Variants in ANKRD26 observed in about 807,000 individuals in gnomAD.
ANKRD26 encodes ankyrin repeat domain-containing protein 26.
In ANKRD26, 141 loss-of-function variants were observed where a neutral mutation model predicts 208.7. The observed-to-expected ratio is 0.68, with a 90% confidence interval of 0.59 to 0.78. The LOEUF (loss-of-function observed/expected upper bound fraction) is 0.78. ANKRD26 is among the 30% of genes least tolerant of loss of function. The pLI is 0.00. For synonymous variants in ANKRD26, 636 were observed against 660.4 expected, an observed-to-expected ratio of 0.96 and a Z score of 0.57; for missense variants, 1,889 against 1,938.7, an observed-to-expected ratio of 0.97 and a Z score of 0.48.
downstream of ANKRD26, among the ~76,000 whole-genome samples, chr10:26,971,971 C>G (rs997590955): frequency 2.0e-5 from 3 of 152,144 alleles, no homozygotes; most frequent in African/African-American, 2.4e-5. Context: ...CGCAGTGGCT[C>G]ACGCCTGTAA....
At chr10:27,047,847 G>A (rs2054512656) in intron 17 of ANKRD26, among the ~76,000 whole-genome samples, 1 of 151,678 alleles carries the variant, frequency 6.6e-6, no homozygotes, top group South Asian at 2.1e-4. Flanking sequence ...GGGTTCAAGT[G>A]ATTCTCCTGC....
At chr10:27,029,240 G>T in intron 26 of ANKRD26, 46 bp downstream of exon 26, 2 of 1,550,644 alleles carry the variant, frequency 1.3e-6, no homozygotes, top group Non-Finnish European at 8.8e-7. Context: ...CTGCTTATTT[G>T]CTCTATAAAT....
chr10:27,065,441 C>T (rs928417193), intron 11 of ANKRD26, among the ~76,000 whole-genome samples: 3 of 152,152 alleles, frequency 2.0e-5, no homozygotes, highest in Admixed American at 2.0e-4. Flanking sequence ...TCTCCAGTAA[C>T]TGTCTACTGA....
At chr10:27,080,957 C>T in intron 6 of ANKRD26, 1 of 985,354 alleles carries the variant, frequency 1.0e-6, no homozygotes, top group Admixed American at 6.1e-5. Flanking sequence ...TGAGGGGACA[C>T]CTGCCCTGGG....
chr10:27,013,490 T>C (rs1050535283), intron 31 of ANKRD26, among the ~76,000 whole-genome samples: 11 of 152,242 alleles, frequency 7.2e-5, no homozygotes, highest in African/African-American at 2.4e-4. Flanking sequence ...TGTGACATGA[T>C]AAATATGTTA....
At chr10:26,975,159 G>A (rs1462355959) in exon 6 of ANKRD26, among the ~76,000 whole-genome samples, 1 of 152,136 alleles carries the variant, frequency 6.6e-6, no homozygotes, top group Non-Finnish European at 1.5e-5. Flanking sequence ...TAACCAGAAT[G>A]ACTTCGCTAA....
intron 32 of ANKRD26, among the ~76,000 whole-genome samples, chr10:27,007,623 T>G (rs1158642101): frequency 6.6e-6 from 1 of 152,172 alleles, no homozygotes; most frequent in African/African-American, 2.4e-5. Flanking sequence ...ACCACTGCAC[T>G]CCAGCCTGGA....
Position 27,048,871 on chromosome 10 carries a change from T to C in ANKRD26, c.1744A>G (p.Ile582Val), listed in dbSNP as rs2054551936. The change falls in exon 17 of 34, where the codon ATT (isoleucine) becomes GTT (valine). Residue 582 changes from isoleucine to valine, a missense_variant. By Grantham distance (29) the Ile-to-Val change is conservative. Transcript: ENST00000376087. ...AEDDDDDDGLIQKRKSGETDH... is the reference protein window; with the variant it reads ...AEDDDDDDGLVQKRKSGETDH... ...GTTTCTCCACTCTTTCTTTTTTGAA[T>C]TAATCCATCATCATCATCATCATCT... 2.2e-5 allele frequency: 35 copies of C among 1,613,312 alleles called. No homozygotes were observed. Among genetic ancestry groups the C allele is most frequent in the Non-Finnish European group, 2.9e-5 (34 of 1,179,704 alleles).
chr10:26,957,047 A>C, the ANKRD26 span, among the ~76,000 whole-genome samples: 1 of 152,248 alleles, frequency 6.6e-6, no homozygotes, highest in Non-Finnish European at 1.5e-5. Context: ...TTATTGCTAG[A>C]GAACTCATTC....
In ANKRD26 at chr10:27,038,009, CGT is replaced by C. The variant is rs2054099823; in HGVS notation, c.2419_2420del (p.Thr807ValfsTer3). 1 of 1,612,018 alleles carries C rather than the reference CGT, an allele frequency of 6.2e-7. No homozygotes were observed. Among genetic ancestry groups the C allele is most frequent in the Admixed American group, 1.7e-5 (1 of 59,978 alleles). On this transcript the variant is annotated frameshift_variant, in exon 22 of 34. Transcript: ENST00000376087. LOFTEE classifies it high-confidence loss of function. ...ACTGTTCCCTAATTTTTTCATACAA[CGT>C]ATCAGCATTTCTTCTCTTCTCTTCT... ...QEEEKRRNAD[T>X]LYEKIREQLR...
At position 27,035,591 on chromosome 10, in the gene ANKRD26, A is replaced by G; in HGVS notation, c.2859T>C (p.Asn953=). ...FEDLKIVKEK[N]EDLQKTIKQN... is the part of the protein sequence containing the mutation. ...GTTTTATAGTCTTCTGAAGGTCTTC[A>G]TTCTTTTCTTTTACAATTTTAAGGT... is the stretch of plus-strand genomic sequence containing the variant. The change falls in exon 24 of 34, where the codon AAT becomes AAC. Residue 953 remains asparagine (N), a synonymous_variant. Transcript: ENST00000376087. 1.2e-6 allele frequency: 2 copies of G among 1,607,016 alleles called. No individual in the cohort carries two copies. Among genetic ancestry groups the G allele is most frequent in the Non-Finnish European group, 1.7e-6 (2 of 1,177,802 alleles).
chr10:27,054,029 C>G (rs10764665), intron 15 of ANKRD26, among the ~76,000 whole-genome samples: 19 of 151,904 alleles, frequency 1.3e-4, no homozygotes, highest in East Asian at 3.9e-4. Context: ...AAGACTAAGA[C>G]AGCTATGTGA....
intron 21 of ANKRD26, among the ~76,000 whole-genome samples, chr10:27,039,443 G>C (rs1200827520): frequency 4.1e-5 from 6 of 145,616 alleles, no homozygotes; most frequent in Non-Finnish European, 7.5e-5. Context: ...AACAGAGCAA[G>C]ACTCCATCTC....
intron 32 of ANKRD26, among the ~76,000 whole-genome samples, chr10:27,010,759 C>T (rs562630977): frequency 1.2e-4 from 18 of 152,246 alleles, no homozygotes; most frequent in East Asian, 1.9e-4. Flanking sequence ...CTTCCTGCTT[C>T]GGCCTCCCAA....
At chr10:27,060,682 G>T in intron 13 of ANKRD26, 142 bp from the exon 14 acceptor site, 1 of 699,726 alleles carries the variant, frequency 1.4e-6, no homozygotes, top group Non-Finnish European at 2.4e-6. Context: ...TTTTTATTTT[G>T]GTTAGGACAG....
chr10:27,053,330 T>A lies in ANKRD26; in HGVS notation c.1625A>T (p.Asn542Ile), dbSNP rs759389505. The A allele has an allele frequency of 1.9e-6, 3 of 1,608,152 alleles. No homozygotes were observed. The highest frequency in any genetic ancestry group is 1.7e-5 in the Admixed American group (1 of 59,956). The change falls in exon 16 of 34, where the codon AAC becomes ATC. Residue 542 changes from asparagine to isoleucine, a missense_variant. Physicochemically the swap from Asn to Ile is moderately radical, Grantham distance 149. Transcript: ENST00000376087. ...EEQEREGSEN[N>I]QPQVEEERKK... ...AAAAATATATAATACCTGTGGCTGG[T>A]TATTTTCACTCCCTTCCCTTTCTTG...
chr10:27,008,703 C>T (rs1009891897), intron 32 of ANKRD26, among the ~76,000 whole-genome samples: 8 of 152,150 alleles, frequency 5.3e-5, no homozygotes, highest in African/African-American at 1.4e-4. Context: ...AAACTTCCTG[C>T]ATAACAAATT....
At chr10:27,017,037 T>C (rs1289984328) in intron 30 of ANKRD26, among the ~76,000 whole-genome samples, 1 of 152,066 alleles carries the variant, frequency 6.6e-6, no homozygotes, top group East Asian at 1.9e-4. Context: ...AAAATAAGAA[T>C]TAAAAATTTA....
chr10:27,040,923 G>T (rs972136861), intron 20 of ANKRD26, among the ~76,000 whole-genome samples: 1 of 151,750 alleles, frequency 6.6e-6, no homozygotes, highest in Non-Finnish European at 1.5e-5. Context: ...ACAGCTACTT[G>T]GGGGGGCCGA....
Sources: allele counts gnomAD v4.1 joint callset (sites outside exome capture counted in the v4.1 genomes callset), GRCh38; gene constraint gnomAD v4.1.1; transcripts MANE v1.5; gene names NCBI Gene and HGNC (gene_info 2026-07-23, HGNC 2026-07-21).